The following CD79B variants were observed in gnomAD, a reference collection of about 807,000 sequenced individuals.
CD79B encodes the protein CD79b molecule, also known as B-cell antigen receptor complex-associated protein beta chain.
CD79B carries 7 observed loss-of-function variants against 30.0 expected under a neutral mutation model. The ratio of observed to expected loss-of-function variants is 0.23; its 90% confidence interval spans 0.13 to 0.44. The LOEUF is 0.44. CD79B is among the 20% of genes least tolerant of loss of function. The probability of loss-of-function intolerance (pLI) is 1.00; values close to 1 mark genes in which losing one functional copy is unlikely to be tolerated. For missense variants in CD79B, 218 were observed against 299.1 expected (o/e 0.73, Z 2.00); for synonymous variants, 118 against 119.2 (o/e 0.99, Z 0.07).
intron 1 of CD79B, 122 bp from the exon 2 acceptor site, chr17:63,931,507 A>C: frequency 1.1e-6 from 1 of 903,556 alleles, no homozygotes; most frequent in Non-Finnish European, 1.8e-6. Context: ...CAGCTTCAAG[A>C]CCCCTCGGTC....
intron 1 of CD79B, 48 bp from the exon 2 acceptor site, chr17:63,931,433 CCTGGG>C (rs747312897): frequency 6.3e-7 from 1 of 1,585,830 alleles, no homozygotes; most frequent in Non-Finnish European, 8.7e-7. Context: ...CCTCCTCTGG[CCTGGG>C]CTGCCCCACC....
intron 1 of CD79B, chr17:63,931,958 T>C (rs534595276): frequency 3.3e-6 from 2 of 601,138 alleles, no homozygotes; most frequent in Non-Finnish European, 6.1e-6. Flanking sequence ...TTGCTCCTCA[T>C]GCCCAGCTCA....
chr17:63,929,449 T>G lies in CD79B; in HGVS notation c.576A>C (p.Glu192Asp), dbSNP rs764662167. 6.2e-7 allele frequency: 1 copy of G among 1,613,814 alleles called. No homozygotes were observed. The highest frequency in any genetic ancestry group is 1.3e-5 in the African/African-American group (1 of 74,906). Residue 192 changes from glutamate to aspartate, a missense_variant, in exon 5 of 6, where the codon GAA becomes GAC. Glu to Asp is a conservative substitution (Grantham distance 45). Coordinates refer to ENST00000006750, the MANE Select transcript of CD79B (RefSeq NM_000626.4). The stretch of plus-strand genomic sequence containing the variant: ...CTCTCCTTACCTCGTAGGTGTGATC[T>G]TCCTCCATGCCAGCCTTGCTGTCAT... ...DKDDSKAGME[E>D]DHTYEGLDID...
intron 4 of CD79B, 96 bp from the exon 5 acceptor site, chr17:63,929,571 G>A: frequency 9.8e-6 from 13 of 1,319,892 alleles, no homozygotes; most frequent in Non-Finnish European, 1.3e-5. Context: ...AGGGGTGAGG[G>A]GTCAGGAGTG....
intron 2 of CD79B, among the ~76,000 whole-genome samples, chr17:63,930,774 T>C (rs1567810703): frequency 6.6e-6 from 1 of 151,948 alleles, no homozygotes; most frequent in Non-Finnish European, 1.5e-5. Flanking sequence ...AGGCTTGAAA[T>C]CCTCAGTCTC....
chr17:63,931,861 C>G, intron 1 of CD79B: 1 of 463,296 alleles, frequency 2.2e-6, no homozygotes, highest in African/African-American at 2.0e-5. Flanking sequence ...TTGGGACAGC[C>G]TCTCCCCTCC....
Position 63,929,050 on chromosome 17 carries a change from C to G in CD79B, c.*176G>C. 1 of 646,106 alleles carries G rather than the reference C, an allele frequency of 1.5e-6. No individual in the cohort carries two copies. Among genetic ancestry groups the G allele is most frequent in the Non-Finnish European group, 2.8e-6 (1 of 357,564 alleles). 40.0% of individuals were successfully genotyped at this position (646,106 alleles called of 1,614,324 possible). A position where few individuals can be genotyped will look rare whatever the true frequency, so the allele number is the denominator to read the frequency against. On this transcript the variant is annotated 3_prime_UTR_variant, in exon 6 of 6. Transcript: ENST00000006750. ...TTGCTGCCCTGTTGTCCTTCTACTC[C>G]AGGCCCTTTGGCAAGAGCTGGGGAC...
intron 2 of CD79B, 91 bp downstream of exon 2, chr17:63,931,244 G>T: frequency 7.5e-7 from 1 of 1,340,174 alleles, no homozygotes; most frequent in Non-Finnish European, 1.1e-6. Context: ...AGGGTGGGAA[G>T]GCGGACCGCC....
chr17:63,929,368 C>T lies in CD79B; in HGVS notation c.592-44G>A, dbSNP rs756720935. ...ACTCAGGCCGGGACCACACCCCAAC[C>T]ACACCAGCAGATAGTGGCCACTGAC... On this transcript the variant is annotated intron_variant, in intron 5 of 5. Transcript: ENST00000006750. 5 of 1,610,436 alleles carry T rather than the reference C, an allele frequency of 3.1e-6. No individual in the cohort carries two copies. The African/African-American group carries it at 4.0e-5, about 13-fold the overall frequency.
chr17:63,931,982 C>T lies in CD79B; in HGVS notation c.67+213G>A, dbSNP rs144106900. 8.9e-4 allele frequency: 578 copies of T among 647,098 alleles called. 6 individuals are homozygous for T. In the African/African-American group the frequency reaches 9.6e-3, roughly 11 times the overall value. 40.1% of individuals were successfully genotyped at this position (647,098 alleles called of 1,614,324 possible). On this transcript the variant is annotated intron_variant, in intron 1 of 5. Transcript: ENST00000006750. ...ATGCCCAGCTCAGCCTGATGCTCTC[C>T]AGGCAGGAGAGGAACTGGGGCCACA...
Position 63,931,300 on chromosome 17 carries a change from A to G in CD79B, c.118+35T>C, listed in dbSNP as rs201234442. ...CGGACACAGGACATAGTCGCACACA[A>G]CTTGCCCTCAGAAGCGGCAGGCGAG... On this transcript the variant is annotated intron_variant, in intron 2 of 5. Coordinates refer to ENST00000006750, the MANE Select transcript of CD79B (RefSeq NM_000626.4). 131 of 1,608,728 alleles carry G rather than the reference A, an allele frequency of 8.1e-5. No homozygotes were observed. The African/African-American group carries it at 1.7e-3, about 20-fold the overall frequency.
At chr17:63,931,409 G>A (rs752563153) in intron 1 of CD79B, 24 bp from the exon 2 acceptor site, 8 of 1,613,320 alleles carry the variant, frequency 5.0e-6, no homozygotes, top group Non-Finnish European at 6.8e-6. Flanking sequence ...GGAAGTGGGC[G>A]GGGCCAGTCA....
At position 63,929,434 on chromosome 17, in the gene CD79B, C is replaced by T. The variant is rs199859520; in HGVS notation, c.591G>A (p.Glu197=). ...CTGCTGGGCCTGCCCCTCTCCTTAC[C>T]TCGTAGGTGTGATCTTCCTCCATGC... is the stretch of plus-strand genomic sequence containing the variant. ...KAGMEEDHTY[E]GLDIDQTATY... Residue 197 remains glutamate (E), a splice_region_variant and synonymous_variant, in exon 5 of 6, where the codon GAG becomes GAA. Coordinates refer to ENST00000006750, the MANE Select transcript of CD79B (RefSeq NM_000626.4). The T allele has an allele frequency of 7.4e-6, 12 of 1,613,988 alleles. No individual in the cohort carries two copies. In the East Asian group the frequency reaches 2.0e-4, roughly 27 times the overall value.
Position 63,930,133 on chromosome 17 carries a change from T to C in CD79B, c.371A>G (p.Gln124Arg), listed in dbSNP as rs1271103439. Residue 124 changes from glutamine to arginine, a missense_variant, in exon 3 of 6, where the codon CAG becomes CGG. Transcript: ENST00000006750. ...FEDNGIYFCQ[Q>R]KCNNTSEVYQ... ...GACCTCCGAGGTGTTGTTGCACTTC[T>C]GCTGACAGAAGTAGATGCCATTGTC... The C allele has an allele frequency of 6.2e-7, 1 of 1,614,204 alleles. No individual in the cohort carries two copies. The highest frequency in any genetic ancestry group is 8.5e-7 in the Non-Finnish European group (1 of 1,180,026).
At chr17:63,929,972 G>A in intron 3 of CD79B, 84 bp from the exon 4 acceptor site, 4 of 1,529,774 alleles carry the variant, frequency 2.6e-6, no homozygotes, top group Non-Finnish European at 9.0e-7. Context: ...GGTCCCAGTG[G>A]CTCTCCTGAG....
chr17:63,928,875 C>G lies in CD79B; in HGVS notation c.*351G>C. On this transcript the variant is annotated 3_prime_UTR_variant, in exon 6 of 6. Coordinates refer to ENST00000006750, the MANE Select transcript of CD79B (RefSeq NM_000626.4). ...GGGCCCAGTTGGGTCCATGGCCCTT[C>G]CCAAGCTCTGCTGGGAGGCCCTCGG... 1 of 438,164 alleles carries G rather than the reference C, an allele frequency of 2.3e-6. No individual in the cohort carries two copies. Among genetic ancestry groups the G allele is most frequent in the Non-Finnish European group, 4.3e-6 (1 of 235,088 alleles). 27.1% of individuals were successfully genotyped at this position (438,164 alleles called of 1,614,324 possible).
intron 2 of CD79B, 116 bp from the exon 3 acceptor site, chr17:63,930,501 C>A: frequency 1.0e-6 from 1 of 957,542 alleles, no homozygotes; most frequent in Non-Finnish European, 1.6e-6. Context: ...CCTTGCTTCT[C>A]AGGGTGTGGG....
chr17:63,931,527 C>A, intron 1 of CD79B, 142 bp from the exon 2 acceptor site: 1 of 727,884 alleles, frequency 1.4e-6, no homozygotes, highest in South Asian at 1.6e-5. Flanking sequence ...CCTCCCTGCC[C>A]CCAGTACTTG....
At position 63,929,984 on chromosome 17, in the gene CD79B, G is replaced by T. The variant is rs532035593; in HGVS notation, c.430+90C>A. On this transcript the variant is annotated intron_variant, in intron 3 of 5. Coordinates refer to ENST00000006750, the MANE Select transcript of CD79B (RefSeq NM_000626.4). ...TCAGGTCCCAGTGGCTCTCCTGAGT[G>T]CTCTAGGGCCATGACCATCACCACA... 497 of 1,549,758 alleles carry T rather than the reference G, an allele frequency of 3.2e-4. 2 individuals are homozygous for T. The South Asian group carries it at 5.1e-3, about 16-fold the overall frequency.
Sources: gnomAD v4.1 joint callset for allele counts (sites outside exome capture counted in the v4.1 genomes callset) on GRCh38, gnomAD v4.1.1 for gene constraint, MANE v1.5 for transcripts, NCBI Gene and HGNC (gene_info 2026-07-23, HGNC 2026-07-21) for gene names.